HFM1: variants seen among roughly 807,000 people sequenced by gnomAD.
HFM1 encodes the protein probable ATP-dependent DNA helicase HFM1.
HFM1 carries 169 observed loss-of-function variants against 192.1 expected under a neutral mutation model. The ratio of observed to expected loss-of-function variants is 0.88; its 90% CI spans 0.78 to 1.00. The LOEUF (loss-of-function observed/expected upper bound fraction) is 1.00. Among genes scored for constraint, HFM1 ranks in the 50% least tolerant of loss-of-function variants. The pLI is 0.00. For synonymous variants in HFM1, 525 were observed against 537.8 expected (o/e 0.98, Z 0.33); for missense variants, 1,661 against 1,668.0 (o/e 1.00, Z 0.07).
At chr1:91,278,296 T>C (rs1291562633) in intron 30 of HFM1, among the ~76,000 whole-genome samples, 1 of 152,080 alleles carries the variant, frequency 6.6e-6, no homozygotes, top group Non-Finnish European at 1.5e-5. Context: ...AAATATATGA[T>C]TTACTCTTAA....
At chr1:91,367,799 A>C (rs1049779268) in intron 13 of HFM1, among the ~76,000 whole-genome samples, 2 of 151,800 alleles carry the variant, frequency 1.3e-5, no homozygotes, top group African/African-American at 4.8e-5. Flanking sequence ...AGATCAAACT[A>C]CTCCAAGCTA....
At chr1:91,261,504 A>G in intron 38 of HFM1, 145 bp from the exon 39 acceptor site, 1 of 402,034 alleles carries the variant, frequency 2.5e-6, no homozygotes, top group East Asian at 3.7e-5. Flanking sequence ...TTCAGTATGC[A>G]TAACTTTGTA....
intron 34 of HFM1, among the ~76,000 whole-genome samples, chr1:91,273,447 T>C (rs1466798486): frequency 6.6e-6 from 1 of 152,108 alleles, no homozygotes; most frequent in Non-Finnish European, 1.5e-5. Flanking sequence ...ATCCCTTATT[T>C]GCTCAGGTTT....
At position 91,347,487 on chromosome 1, in the gene HFM1, T is replaced by A. The variant is rs747934549; in HGVS notation, c.2207-11A>T. The A allele has an allele frequency of 2.5e-6, 4 of 1,577,294 alleles. No individual in the cohort carries two copies. Among genetic ancestry groups the A allele is most frequent in the Non-Finnish European group, 3.5e-6 (4 of 1,158,638 alleles). On this transcript the variant is annotated splice_polypyrimidine_tract_variant and intron_variant, in intron 18 of 38. Transcript: ENST00000370425. ...ATCCAGATGCAAAACCTGCATGTCATGAAAAAGTAAAATAGAATTTAGCTC... is the reference window on the plus strand; with the variant it reads ...ATCCAGATGCAAAACCTGCATGTCAAGAAAAAGTAAAATAGAATTTAGCTC...
chr1:91,283,619 G>A (rs1667660212), intron 30 of HFM1, among the ~76,000 whole-genome samples: 1 of 151,820 alleles, frequency 6.6e-6, no homozygotes, highest in South Asian at 2.1e-4. Flanking sequence ...CATAATCTGA[G>A]GTGCAAATAT....
At chr1:91,263,105 A>C (rs1665322699) in intron 36 of HFM1, among the ~76,000 whole-genome samples, 1 of 152,186 alleles carries the variant, frequency 6.6e-6, no homozygotes, top group East Asian at 1.9e-4. Context: ...AGTGATAAAG[A>C]AAACGTCAGG....
chr1:91,286,816 G>A (rs1440544566), intron 30 of HFM1, among the ~76,000 whole-genome samples: 1 of 152,220 alleles, frequency 6.6e-6, no homozygotes, highest in East Asian at 1.9e-4. Context: ...CCGTGCGCCA[G>A]CCGAAGCAAG....
At position 91,378,463 on chromosome 1, in the gene HFM1, C is replaced by A; in HGVS notation, c.1176G>T (p.Met392Ile). 6.2e-7 allele frequency: 1 copy of A among 1,600,058 alleles called. No homozygotes were observed. Among genetic ancestry groups the A allele is most frequent in the South Asian group, 1.1e-5 (1 of 89,450 alleles). The stretch of plus-strand genomic sequence containing the variant: ...AAGAGTTGTCTCTCCATTTCCTAGT[C>A]ATGCTATCCCATTTTTCCTAGAGAG... Reference protein sequence around the residue: ...IMTTPEKWDSMTRKWRDNSLV... With the variant: ...IMTTPEKWDSITRKWRDNSLV... Residue 392 changes from methionine to isoleucine, a missense_variant, in exon 10 of 39, where the codon ATG becomes ATT. Met to Ile is a conservative substitution (Grantham distance 10). Coordinates refer to ENST00000370425, the MANE Select transcript of HFM1 (RefSeq NM_001017975.6).
intron 30 of HFM1, among the ~76,000 whole-genome samples, chr1:91,292,496 G>T (rs2100946445): frequency 6.6e-6 from 1 of 151,112 alleles, no homozygotes; most frequent in East Asian, 1.9e-4. Context: ...AACTTACAAG[G>T]GATGTGAAGG....
At chr1:91,404,383 C>T (rs1476166982) in intron 1 of HFM1, among the ~76,000 whole-genome samples, 4 of 152,242 alleles carry the variant, frequency 2.6e-5, no homozygotes, top group African/African-American at 4.8e-5. Flanking sequence ...CCGTTTCCTC[C>T]CACCGCTGTG....
chr1:91,329,386 A>G (rs556309903), intron 20 of HFM1: 2 of 1,587,184 alleles, frequency 1.3e-6, no homozygotes, highest in African/African-American at 1.3e-5. Flanking sequence ...GGCAGCACCC[A>G]GGGCCGCCTG....
chr1:91,349,734 T>C lies in HFM1; in HGVS notation c.2206+1004A>G, dbSNP rs574546127. Among the ~76,000 whole-genome samples the C allele has an allele frequency of 7.4e-4, 113 of 152,348 alleles. 1 individual carries two copies. The highest frequency in any genetic ancestry group is 1.4e-3 in the Non-Finnish European group (96 of 68,028). ...AGAGAGCATCTGACCCACAGCCACC[T>C]AGCTAAGACACTCCCAGATTCCTAA... On this transcript the variant is annotated intron_variant, in intron 18 of 38. Coordinates refer to ENST00000370425, the MANE Select transcript of HFM1 (RefSeq NM_001017975.6).
At chr1:91,383,621 A>C (rs1313884412) in intron 6 of HFM1, among the ~76,000 whole-genome samples, 1 of 152,208 alleles carries the variant, frequency 6.6e-6, no homozygotes, top group Non-Finnish European at 1.5e-5. Flanking sequence ...ATTGTTGCCT[A>C]GATTTCTCTA....
intron 30 of HFM1, among the ~76,000 whole-genome samples, chr1:91,312,099 A>G (rs1300949388): frequency 1.3e-5 from 2 of 152,216 alleles, no homozygotes; most frequent in Non-Finnish European, 2.9e-5. Context: ...CTGGATGCCC[A>G]GGCAAAAGTT....
At chr1:91,262,727 T>C in intron 36 of HFM1, 135 bp from the exon 37 acceptor site, 1 of 586,148 alleles carries the variant, frequency 1.7e-6, no homozygotes, top group Non-Finnish European at 3.0e-6. Context: ...TTGTTTCTAA[T>C]ATTCATGGAG....
intron 3 of HFM1, 141 bp downstream of exon 3, chr1:91,396,152 A>C (rs576230424): frequency 1.6e-4 from 75 of 455,544 alleles, no homozygotes; most frequent in African/African-American, 1.4e-3. Flanking sequence ...AATACCCAAT[A>C]TGAGTATACA....
At chr1:91,398,646 T>C (rs1008457021) in intron 2 of HFM1, among the ~76,000 whole-genome samples, 4 of 152,026 alleles carry the variant, frequency 2.6e-5, no homozygotes, top group African/African-American at 7.2e-5. Flanking sequence ...TAAACTGAAC[T>C]CCCTGTTGTA....
intron 30 of HFM1, among the ~76,000 whole-genome samples, chr1:91,300,904 TATTCAACACAGTGTTGGAAG>T (rs1224908198): frequency 2.0e-5 from 3 of 152,132 alleles, no homozygotes; most frequent in Non-Finnish European, 4.4e-5. Flanking sequence ...TCACCACTCC[TATTCAACACAGTGTTGGAAG>T]TTCTGGCCAG....
At chr1:91,300,698 A>G (rs553893440) in intron 30 of HFM1, among the ~76,000 whole-genome samples, 1 of 152,192 alleles carries the variant, frequency 6.6e-6, no homozygotes, top group Non-Finnish European at 1.5e-5. Context: ...CGATTATCTC[A>G]ATAGATGCAG....
Sources: gnomAD v4.1 joint callset for allele counts (sites outside exome capture counted in the v4.1 genomes callset) on GRCh38, gnomAD v4.1.1 for gene constraint, MANE v1.5 for transcripts, NCBI Gene and HGNC (gene_info 2026-07-23, HGNC 2026-07-21) for gene names.